The following ODF2 variants were observed in gnomAD, a reference collection of about 807,000 sequenced individuals.
ODF2 encodes the protein outer dense fiber protein 2.
Under a neutral mutation model 110.2 loss-of-function variants are expected in ODF2, and 47 were observed. The ratio of observed to expected loss-of-function variants is 0.43; its 90% confidence interval spans 0.34 to 0.54. The LOEUF (loss-of-function observed/expected upper bound fraction) is 0.54. ODF2 is among the 20% of genes least tolerant of loss of function. ODF2 has a pLI of 0.03. For missense variants in ODF2, 812 were observed against 1,054.5 expected (o/e 0.77, Z 3.19); for synonymous variants, 352 against 397.7 (o/e 0.89, Z 1.37).
chr9:128,482,727 G>T, intron 9 of ODF2, 89 bp from the exon 10 acceptor site: 1 of 955,824 alleles, frequency 1.0e-6, no homozygotes, highest in Non-Finnish European at 1.6e-6. Context: ...TTGGGCCCCA[G>T]TGGCCAGGTA....
At chr9:128,457,134 C>A in intron 1 of ODF2, 1 of 1,458,328 alleles carries the variant, frequency 6.9e-7, no homozygotes, top group African/African-American at 1.4e-5. Context: ...TGCCCCGTCC[C>A]CTCCCCTTCC....
intron 9 of ODF2, among the ~76,000 whole-genome samples, chr9:128,482,257 T>C (rs6478833): frequency 0.3 from 45,028 of 152,128 alleles, 7,766 homozygotes; most frequent in East Asian, 0.47. Context: ...CAAGGTGTGG[T>C]CTGTGGCCTC....
intron 14 of ODF2, among the ~76,000 whole-genome samples, chr9:128,489,524 G>A (rs994037903): frequency 1.1e-4 from 17 of 152,122 alleles, no homozygotes; most frequent in South Asian, 8.3e-4. Context: ...TGGGCCTGGC[G>A]TCTACTCTGC....
chr9:128,456,389 C>CGA, intron 1 of ODF2, 134 bp downstream of exon 1: 4 of 1,438,746 alleles, frequency 2.8e-6, no homozygotes, highest in Non-Finnish European at 3.6e-6. Flanking sequence ...TGCGCTCGTC[C>CGA]CCCTCCTGTC....
chr9:128,457,443 G>A (rs1232294209), intron 2 of ODF2: 1 of 1,609,346 alleles, frequency 6.2e-7, no homozygotes. Context: ...CCCAGGTATT[G>A]CCGATGTGGG....
chr9:128,498,071 C>G (rs1441722345), intron 18 of ODF2: 2 of 173,328 alleles, frequency 1.2e-5, no homozygotes, highest in African/African-American at 4.7e-5. Context: ...GAATTCCCCT[C>G]TCTGAGGCTC....
At position 128,494,481 on chromosome 9, in the gene ODF2, T is replaced by C. The variant is rs769974234; in HGVS notation, c.1753-29T>C. 6.2e-7 allele frequency: 1 copy of C among 1,603,608 alleles called. No homozygotes were observed. The highest frequency in any genetic ancestry group is 8.5e-7 in the Non-Finnish European group (1 of 1,171,808). On this transcript the variant is annotated intron_variant, in intron 16 of 20. Transcript: ENST00000604420. This position sits in a 1 kb window ranked among gnomAD's most constrained non-coding sequence, Gnocchi z 4.6. ...GTCTTTCCTAACTGTGGGTCTTTCC[T>C]TCCTGTGGGTCTTTCCTTCCTGTTT...
chr9:128,493,771 G>A (rs1845087179), intron 16 of ODF2, among the ~76,000 whole-genome samples: 1 of 152,066 alleles, frequency 6.6e-6, no homozygotes, highest in South Asian at 2.1e-4. Context: ...GCTTTCCTAG[G>A]GGCTTTAGAG....
At chr9:128,497,446 AATATATATAT>A (rs71381765) in intron 18 of ODF2, 34 of 42,564 alleles carry the variant, frequency 8.0e-4, no homozygotes, top group African/African-American at 3.0e-3. Flanking sequence ...AAAAAAAAAA[AATATATATAT>A]ATATATATAT....
intron 18 of ODF2, chr9:128,497,446 A>AAAAAAAAAAC (rs1554857542): frequency 2.3e-5 from 1 of 42,598 alleles, no homozygotes; most frequent in African/African-American, 1.5e-4. Context: ...AAAAAAAAAA[A>AAAAAAAAAAC]ATATATATAT....
chr9:128,460,641 C>G (rs374077583), intron 3 of ODF2: 3 of 1,613,988 alleles, frequency 1.9e-6, no homozygotes, highest in African/African-American at 2.7e-5. Context: ...AAAAAACTCC[C>G]GAAACCATCA....
chr9:128,491,855 A>T, intron 14 of ODF2, among the ~76,000 whole-genome samples: 1 of 149,214 alleles, frequency 6.7e-6, no homozygotes, highest in Middle Eastern at 3.5e-3. Context: ...TCTTGGTTTT[A>T]TCCCCATTTT....
chr9:128,456,954 C>T, intron 1 of ODF2: 2 of 1,242,994 alleles, frequency 1.6e-6, no homozygotes, highest in Non-Finnish European at 2.0e-6. Context: ...GGCCCCGCCC[C>T]AGCATCCCCG....
intron 14 of ODF2, among the ~76,000 whole-genome samples, chr9:128,492,139 A>G (rs1024157935): frequency 6.6e-6 from 1 of 152,058 alleles, no homozygotes; most frequent in African/African-American, 2.4e-5. Context: ...TGCTGGGATT[A>G]TAGGCGTGAG....
At chr9:128,472,998 A>G (rs779766045) in exon 7 of ODF2, 1 of 1,614,086 alleles carries the variant, frequency 6.2e-7, no homozygotes. Flanking sequence ...TGCGGCTGCC[A>G]AGCAGGTCAT....
intron 3 of ODF2, 76 bp downstream of exon 3, chr9:128,460,742 T>A: frequency 6.3e-7 from 1 of 1,580,716 alleles, no homozygotes; most frequent in Non-Finnish European, 8.6e-7. Flanking sequence ...CCTCGCACTC[T>A]GACTCCAAAG....
intron 8 of ODF2, among the ~76,000 whole-genome samples, chr9:128,473,994 G>T (rs981950706): frequency 2.0e-5 from 3 of 152,128 alleles, no homozygotes; most frequent in Non-Finnish European, 4.4e-5. Flanking sequence ...AGTCAGGGAG[G>T]GGTTCAGCCC....
chr9:128,497,937 G>C (rs1170740313), intron 18 of ODF2: 1 of 152,744 alleles, frequency 6.5e-6, no homozygotes, highest in Non-Finnish European at 1.5e-5. Context: ...CCTATGGCTG[G>C]TCACACAAGA....
At chr9:128,455,219 A>G (rs1834535660), upstream of ODF2, 1 of 1,535,116 alleles carries the variant, frequency 6.5e-7, no homozygotes, top group Non-Finnish European at 8.7e-7. Context: ...CAAGGACCTC[A>G]TCAGAATAGG....
Sources: allele counts gnomAD v4.1 joint callset (sites outside exome capture counted in the v4.1 genomes callset), GRCh38; gene constraint gnomAD v4.1.1; non-coding constraint Gnocchi (gnomAD v3.1); transcripts MANE v1.5; gene names NCBI Gene and HGNC (gene_info 2026-07-23, HGNC 2026-07-21).